The following EFCAB11 variants were observed in gnomAD, a reference collection of about 807,000 sequenced individuals.
EFCAB11 encodes the protein EF-hand calcium binding domain 11, also known as EF-hand calcium-binding domain-containing protein 11.
In EFCAB11, 14 loss-of-function variants were observed where a neutral mutation model predicts 23.0. That is an observed-to-expected ratio of 0.61 (90% CI 0.40 to 0.95). The LOEUF (loss-of-function observed/expected upper bound fraction) is 0.95. Ranked by LOEUF, EFCAB11 falls within the 40% of genes least tolerant of loss-of-function variation. The pLI is 0.00. For missense variants in EFCAB11, 198 were observed against 195.8 expected, an observed-to-expected ratio of 1.01 and a Z score of -0.07; for synonymous variants, 65 against 66.6, an observed-to-expected ratio of 0.98 and a Z score of 0.11.
At position 89,933,795 on chromosome 14, in the gene EFCAB11, G is replaced by C. The variant is rs568559273; in HGVS notation, c.218-1168C>G. 2.6e-5 allele frequency among the ~76,000 whole-genome samples: 4 copies of C among 152,328 alleles called. No homozygotes were observed. The East Asian group carries it at 5.8e-4, about 22-fold the overall frequency. ...CATTACAAACTGTGGCATGGGCAAT[G>C]AGGGGAAAGACAGGAGGTTGTGAAA... On this transcript the variant is annotated intron_variant, in intron 3 of 5. Coordinates refer to ENST00000316738, the MANE Select transcript of EFCAB11 (RefSeq NM_145231.4).
intron 3 of EFCAB11, among the ~76,000 whole-genome samples, chr14:89,937,721 T>G (rs932733361): frequency 1.3e-5 from 2 of 152,134 alleles, no homozygotes; most frequent in African/African-American, 4.8e-5. Context: ...AGACGGGGTT[T>G]CACCCTATTG....
chr14:89,816,871 TA>T (rs1378750131), intron 5 of EFCAB11, among the ~76,000 whole-genome samples: 6 of 151,918 alleles, frequency 3.9e-5, no homozygotes, highest in Admixed American at 3.9e-4. Flanking sequence ...AAACATGCTC[TA>T]AAAATAATAA....
At chr14:89,834,403 A>ACC (rs1555371579) in intron 5 of EFCAB11, among the ~76,000 whole-genome samples, 1 of 101,394 alleles carries the variant, frequency 9.9e-6, no homozygotes. Flanking sequence ...AAAAAAAAAA[A>ACC]CCTTTTTGTT....
At chr14:89,942,863 T>C (rs1275813453) in intron 3 of EFCAB11, among the ~76,000 whole-genome samples, 1 of 152,220 alleles carries the variant, frequency 6.6e-6, no homozygotes, top group Non-Finnish European at 1.5e-5. Context: ...CTCTTCTTAA[T>C]TTTCACGAGG....
At chr14:89,821,919 TATC>T (rs1025648334) in intron 5 of EFCAB11, among the ~76,000 whole-genome samples, 1 of 152,224 alleles carries the variant, frequency 6.6e-6, no homozygotes, top group African/African-American at 2.4e-5. Context: ...CTTTACAAAA[TATC>T]ATTCAAATTT....
intron 5 of EFCAB11, among the ~76,000 whole-genome samples, chr14:89,812,290 G>A (rs1024141803): frequency 2.0e-5 from 3 of 152,146 alleles, no homozygotes; most frequent in South Asian, 2.1e-4. Flanking sequence ...GAATTCCTTC[G>A]AGACATATAA....
chr14:89,881,906 A>G (rs1015742761), intron 5 of EFCAB11, among the ~76,000 whole-genome samples: 15 of 152,232 alleles, frequency 9.9e-5, no homozygotes, highest in African/African-American at 3.4e-4. Context: ...TACAACCAAG[A>G]TCAGTAGCAT....
At chr14:89,907,087 G>A (rs542686147) in intron 5 of EFCAB11, among the ~76,000 whole-genome samples, 204 of 152,272 alleles carry the variant, frequency 1.3e-3, no homozygotes, top group Non-Finnish European at 2.5e-3. Context: ...CCCTACATCA[G>A]TTTCCCATGA....
upstream of EFCAB11, chr14:89,954,752 G>T (rs549398766): frequency 6.0e-5 from 92 of 1,524,332 alleles, no homozygotes; most frequent in South Asian, 1.0e-3. Flanking sequence ...GCCCACCGCG[G>T]CTCAGGAAGC....
In EFCAB11 at chr14:89,950,145, A is replaced by G. The variant is rs1268216303; in HGVS notation, c.172-3T>C. The G allele has an allele frequency of 1.4e-5, 22 of 1,556,480 alleles. 1 individual carries two copies. In the Admixed American group the frequency reaches 2.5e-4, roughly 17 times the overall value. ...GACATCACAGAATCCACTTCTATCTAGAAAAGAGGAAAAAATAATAGAACA... is the reference window on the plus strand; with the variant it reads ...GACATCACAGAATCCACTTCTATCTGGAAAAGAGGAAAAAATAATAGAACA... On this transcript the variant is annotated splice_polypyrimidine_tract_variant and splice_region_variant and intron_variant, in intron 2 of 5. Transcript: ENST00000316738.
At chr14:89,906,007 T>C (rs1053382839) in intron 5 of EFCAB11, among the ~76,000 whole-genome samples, 4 of 152,096 alleles carry the variant, frequency 2.6e-5, no homozygotes, top group African/African-American at 7.2e-5. Context: ...CAACAAGCAA[T>C]GTGAAACATT....
At chr14:89,855,087 GA>G (rs1887709626) in intron 5 of EFCAB11, among the ~76,000 whole-genome samples, 1 of 152,074 alleles carries the variant, frequency 6.6e-6, no homozygotes, top group Admixed American at 6.6e-5. Flanking sequence ...TTTTAGGCAT[GA>G]GGAAATTTCA....
At chr14:89,897,198 T>C (rs1889195429) in intron 5 of EFCAB11, among the ~76,000 whole-genome samples, 1 of 150,732 alleles carries the variant, frequency 6.6e-6, no homozygotes, top group Admixed American at 6.6e-5. Context: ...TATATATATG[T>C]ATATGTGCAT....
intron 5 of EFCAB11, among the ~76,000 whole-genome samples, chr14:89,840,641 A>G (rs992630274): frequency 6.6e-6 from 1 of 152,232 alleles, no homozygotes; most frequent in South Asian, 2.1e-4. Context: ...AAAATGGAAA[A>G]GCACTACATT....
At chr14:89,799,634 C>T (rs879632499) in intron 5 of EFCAB11, 2 of 152,182 alleles carry the variant, frequency 1.3e-5, no homozygotes, top group African/African-American at 2.4e-5. Flanking sequence ...TCAACAAACC[C>T]TCAGCACTAA....
intron 5 of EFCAB11, among the ~76,000 whole-genome samples, chr14:89,878,641 A>G (rs1888512894): frequency 6.6e-6 from 1 of 152,162 alleles, no homozygotes; most frequent in Non-Finnish European, 1.5e-5. Flanking sequence ...TTATATATAA[A>G]GAATATGGAG....
At chr14:89,894,639 C>A (rs1889102988) in intron 5 of EFCAB11, among the ~76,000 whole-genome samples, 1 of 152,066 alleles carries the variant, frequency 6.6e-6, no homozygotes, top group South Asian at 2.1e-4. Flanking sequence ...GACACTATCA[C>A]CCCTGTAAGT....
At chr14:89,898,613 C>A (rs1462941627) in intron 5 of EFCAB11, among the ~76,000 whole-genome samples, 1 of 151,416 alleles carries the variant, frequency 6.6e-6, no homozygotes, top group African/African-American at 2.4e-5. Flanking sequence ...GATCCACCCA[C>A]CTTGGCCTCC....
At chr14:89,840,273 A>G (rs1887217523) in intron 5 of EFCAB11, among the ~76,000 whole-genome samples, 1 of 152,248 alleles carries the variant, frequency 6.6e-6, no homozygotes, top group South Asian at 2.1e-4. Flanking sequence ...CTTGGAATCT[A>G]GAAGTATTTT....
Sources: gnomAD v4.1 joint callset for allele counts (sites outside exome capture counted in the v4.1 genomes callset) on GRCh38, gnomAD v4.1.1 for gene constraint, MANE v1.5 for transcripts, NCBI Gene and HGNC (gene_info 2026-07-23, HGNC 2026-07-21) for gene names.